The following STX17 variants were observed in gnomAD, a reference collection of about 807,000 sequenced individuals.
STX17 encodes syntaxin 17.
Under a neutral mutation model 35.9 loss-of-function variants are expected in STX17, and 29 were observed. The ratio of observed to expected loss-of-function variants is 0.81; its 90% CI spans 0.60 to 1.10. The LOEUF is 1.10. Ranked by LOEUF, STX17 falls within the 50% of genes least tolerant of loss-of-function variation. The pLI is 0.00. For missense variants in STX17, 312 were observed against 352.3 expected, an observed-to-expected ratio of 0.89 and a Z score of 0.92; for synonymous variants, 92 against 118.3, an observed-to-expected ratio of 0.78 and a Z score of 1.44.
At chr9:99,964,460 C>G (rs117044431) in intron 6 of STX17, among the ~76,000 whole-genome samples, 230 of 152,238 alleles carry the variant, frequency 1.5e-3, no homozygotes, top group Non-Finnish European at 2.7e-3. Context: ...TTGAGAAACA[C>G]TGCAGTGTAA....
intron 3 of STX17, among the ~76,000 whole-genome samples, chr9:99,935,887 C>T (rs142971295): frequency 6.6e-6 from 1 of 152,122 alleles, no homozygotes; most frequent in East Asian, 1.9e-4. Flanking sequence ...TAGTAAGGAA[C>T]AGTAAGGAGG....
At chr9:99,936,145 T>A (rs1022709519) in intron 3 of STX17, among the ~76,000 whole-genome samples, 1 of 152,228 alleles carries the variant, frequency 6.6e-6, no homozygotes, top group African/African-American at 2.4e-5. Flanking sequence ...ATACCACTGT[T>A]TGGCTATTAC....
At chr9:99,918,032 C>T (rs1472013240) in intron 2 of STX17, among the ~76,000 whole-genome samples, 2 of 152,164 alleles carry the variant, frequency 1.3e-5, no homozygotes, top group African/African-American at 4.8e-5. Context: ...AAAATGGCTA[C>T]TCCAGCACCA....
rs138621157 is a variant in STX17, at chr9:99,945,135, T to C, written c.190-5925T>C. The stretch of plus-strand genomic sequence containing the variant: ...TTATATCTAGTTTGTGTTAAACTTA[T>C]TGTTCAAATCCTCTATATTAACTTA... On this transcript the variant is annotated intron_variant, in intron 3 of 7. Transcript: ENST00000259400. Among the ~76,000 whole-genome samples, 179 of 152,352 alleles carry C rather than the reference T, an allele frequency of 1.2e-3. 4 individuals carry two copies. In the South Asian group the frequency reaches 0.032, roughly 27 times the overall value.
intron 1 of STX17, among the ~76,000 whole-genome samples, chr9:99,911,992 C>T (rs562323781): frequency 2.4e-4 from 36 of 152,114 alleles, no homozygotes; most frequent in Admixed American, 1.4e-3. Flanking sequence ...TTTGGGAGGC[C>T]GAGGCAGGTG....
chr9:99,951,131 G>C lies in STX17; in HGVS notation c.261G>C (p.Leu87=). Residue 87 remains leucine (L), a synonymous_variant, in exon 4 of 8, where the codon CTG becomes CTC. Transcript: ENST00000259400. ...LKVRKDDLVL[L]KRMIDPVKEE... ...TCCGAAAGGATGACCTAGTACTTCT[G>C]AAGAGAATGATAGATCCTGTTAAAG... 6.2e-7 allele frequency: 1 copy of C among 1,612,992 alleles called. No homozygotes were observed. The highest frequency in any genetic ancestry group is 8.5e-7 in the Non-Finnish European group (1 of 1,179,164).
intron 4 of STX17, among the ~76,000 whole-genome samples, chr9:99,956,642 A>C (rs1410145886): frequency 6.6e-6 from 1 of 152,240 alleles, no homozygotes; most frequent in African/African-American, 2.4e-5. Flanking sequence ...GCTATTTGCC[A>C]TACTGTTTTA....
At chr9:99,957,656 G>GTTTTTT (rs139402328) in intron 4 of STX17, among the ~76,000 whole-genome samples, 1 of 133,844 alleles carries the variant, frequency 7.5e-6, no homozygotes, top group Non-Finnish European at 1.6e-5. Context: ...TATTGTTTTT[G>GTTTTTT]TTTTTTTTTT....
chr9:99,944,244 A>G (rs1338249993), intron 3 of STX17, among the ~76,000 whole-genome samples: 1 of 151,794 alleles, frequency 6.6e-6, no homozygotes, highest in East Asian at 1.9e-4. Flanking sequence ...TCTTCCCAAA[A>G]ATCTAGTTTT....
chr9:99,959,925 C>G lies in STX17; in HGVS notation c.424C>G (p.His142Asp), dbSNP rs1829793248. 1 of 1,608,248 alleles carries G rather than the reference C, an allele frequency of 6.2e-7. No individual in the cohort carries two copies. Among genetic ancestry groups the G allele is most frequent in the Non-Finnish European group, 8.5e-7 (1 of 1,176,036 alleles). Residue 142 changes from histidine to aspartate, a missense_variant, in exon 5 of 8, where the codon CAT becomes GAT. By Grantham distance (81) the His-to-Asp change is moderately conservative (BLOSUM62 -1). Coordinates refer to ENST00000259400, the MANE Select transcript of STX17 (RefSeq NM_017919.3). ...TTATTATGTTCATCCAGGAGCATTT[C>G]ATACTACTGAAGCTGAAGCTAGTTC... The part of the protein sequence containing the change: ...TRSMTVGGAF[H>D]TTEAEASSQS...
At chr9:99,910,280 A>G (rs566327770) in intron 1 of STX17, among the ~76,000 whole-genome samples, 1 of 152,236 alleles carries the variant, frequency 6.6e-6, no homozygotes, top group East Asian at 1.9e-4. Context: ...TGGCTGATAA[A>G]TCCACCCTGT....
chr9:99,922,965 C>T (rs1249998568), intron 2 of STX17, among the ~76,000 whole-genome samples: 1 of 152,186 alleles, frequency 6.6e-6, no homozygotes, highest in Non-Finnish European at 1.5e-5. Flanking sequence ...TTGTTCCTGT[C>T]CCCTGGTGGA....
chr9:99,968,680 A>G lies in STX17; in HGVS notation c.*7A>G. 6.2e-7 allele frequency: 1 copy of G among 1,611,416 alleles called. No homozygotes were observed. Among genetic ancestry groups the G allele is most frequent in the Non-Finnish European group, 8.5e-7 (1 of 1,178,554 alleles). On this transcript the variant is annotated 3_prime_UTR_variant, in exon 8 of 8. Coordinates refer to ENST00000259400, the MANE Select transcript of STX17 (RefSeq NM_017919.3). ...TGACAAGAAATGCAGTTAAAAACCA[A>G]ATTTCAGTATTATTGGTGCCAACAT...
chr9:99,959,549 T>A (rs891168062), intron 4 of STX17, among the ~76,000 whole-genome samples: 1 of 142,706 alleles, frequency 7.0e-6, no homozygotes, highest in African/African-American at 2.6e-5. Context: ...AACCTCGACC[T>A]CCCAGGCTGA....
intron 6 of STX17, among the ~76,000 whole-genome samples, chr9:99,963,950 T>C (rs868159441): frequency 2.6e-5 from 4 of 152,136 alleles, no homozygotes; most frequent in Non-Finnish European, 5.9e-5. Context: ...TTGGTCAAGA[T>C]CTAAGATTAG....
At chr9:99,925,530 G>A (rs570048176) in intron 2 of STX17, among the ~76,000 whole-genome samples, 3 of 152,126 alleles carry the variant, frequency 2.0e-5, no homozygotes, top group Non-Finnish European at 4.4e-5. Flanking sequence ...ATTCCTTCTA[G>A]CACACCTTTC....
rs1829125113 is a variant in STX17 at position 99,931,572 on chromosome 9, T to G, written c.189+2729T>G. 2.6e-5 allele frequency among the ~76,000 whole-genome samples: 4 copies of G among 152,220 alleles called. No homozygotes were observed. The South Asian group carries it at 8.3e-4, about 32-fold the overall frequency. ...TCTGGCCTCTGTCTATCCCATTTGC[T>G]TACACATTTCTTTGGCTGCTTTCAC... is the stretch of plus-strand genomic sequence containing the variant. On this transcript the variant is annotated intron_variant, in intron 3 of 7. Transcript: ENST00000259400.
rs577062292 is a variant in STX17 at position 99,927,887 on chromosome 9, A to G, written c.124-891A>G. ...CATCATTCTTTACCAAATTTTAAGA[A>G]TGTGCAGAACGAGGAATATAAAAAT... is the stretch of plus-strand genomic sequence containing the variant. On this transcript the variant is annotated intron_variant, in intron 2 of 7. Transcript: ENST00000259400. 3.9e-5 allele frequency among the ~76,000 whole-genome samples: 6 copies of G among 152,346 alleles called. No individual in the cohort carries two copies. The South Asian group carries it at 1.2e-3, about 32-fold the overall frequency.
rs1830007696 is a variant in STX17 at position 99,971,060 on chromosome 9, A to G, written c.*2387A>G. Among the ~76,000 whole-genome samples, 1 of 152,236 alleles carries G rather than the reference A, an allele frequency of 6.6e-6. No homozygotes were observed. The highest frequency in any genetic ancestry group is 6.5e-5 in the Admixed American group (1 of 15,286). On this transcript the variant is annotated 3_prime_UTR_variant, in exon 8 of 8. Transcript: ENST00000259400. ...GGAACCTAATAGCCAACTTTTTCAT[A>G]GAAATTGCTAGAAGAGTTTGATCAA... is the stretch of plus-strand genomic sequence containing the variant.
Sources: allele counts gnomAD v4.1 joint callset (sites outside exome capture counted in the v4.1 genomes callset), GRCh38; gene constraint gnomAD v4.1.1; transcripts MANE v1.5; gene names NCBI Gene and HGNC (gene_info 2026-07-23, HGNC 2026-07-21).